Variants in ITPR1 observed in about 807,000 individuals in gnomAD.
ITPR1 encodes inositol 1,4,5-trisphosphate receptor type 1.
Under a neutral mutation model 318.4 loss-of-function variants are expected in ITPR1, and 96 were observed. The ratio of observed to expected loss-of-function variants is 0.30; its 90% CI spans 0.26 to 0.36. The LOEUF (loss-of-function observed/expected upper bound fraction) is 0.36, where lower values mean the gene tolerates loss of function less well. Among genes scored for constraint, ITPR1 ranks in the 10% least tolerant of loss-of-function variants. The probability of loss-of-function intolerance (pLI) is 1.00; values close to 1 mark genes in which losing one functional copy is unlikely to be tolerated. For missense variants in ITPR1, 2,440 were observed against 3,460.2 expected (o/e 0.71, Z 7.40); for synonymous variants, 1,312 against 1,289.9 (o/e 1.02, Z -0.37).
intron 4 of ITPR1, among the ~76,000 whole-genome samples, chr3:4,558,176 G>A (rs1434986878): frequency 6.6e-6 from 1 of 152,120 alleles, no homozygotes; most frequent in African/African-American, 2.4e-5. Flanking sequence ...GATGTAGGGG[G>A]AGAATCTTAA....
chr3:4,733,275 G>C, intron 43 of ITPR1, 55 bp downstream of exon 43: 2 of 1,589,902 alleles, frequency 1.3e-6, no homozygotes, highest in Non-Finnish European at 1.7e-6. Context: ...TTCTGTGATA[G>C]CTGCATGTTT....
chr3:4,508,705 G>A (rs1208423656), intron 2 of ITPR1, among the ~76,000 whole-genome samples: 3 of 152,118 alleles, frequency 2.0e-5, no homozygotes, highest in Non-Finnish European at 4.4e-5. Flanking sequence ...CAGAGTGGAA[G>A]AGGTTCTAAA....
In ITPR1 at chr3:4,663,160, A is replaced by G. The variant is rs577855777; in HGVS notation, c.1508A>G (p.Asn503Ser). The change falls in exon 16 of 62, where the codon AAC (asparagine) becomes AGC (serine). Residue 503 changes from asparagine (N) to serine (S), a missense_variant. Coordinates refer to ENST00000649015, the MANE Select transcript of ITPR1 (RefSeq NM_001378452.1). ...CTCGAAGTTGTCTTCTCCAAGCCCAACAGAGAACGGCAGAAACTGATGAGA... is the reference window on the plus strand; with the variant it reads ...CTCGAAGTTGTCTTCTCCAAGCCCAGCAGAGAACGGCAGAAACTGATGAGA... ...DVLEVVFSKP[N>S]RERQKLMREQ... 7.4e-6 allele frequency: 12 copies of G among 1,613,750 alleles called. No individual in the cohort carries two copies. The highest frequency in any genetic ancestry group is 4.5e-5 in the East Asian group (2 of 44,864).
At chr3:4,763,394 T>TA (rs1002652480) in intron 44 of ITPR1, among the ~76,000 whole-genome samples, 28 of 148,496 alleles carry the variant, frequency 1.9e-4, no homozygotes, top group Admixed American at 2.7e-4. Flanking sequence ...TTGAACAGAA[T>TA]AAAAAAAAAA....
In ITPR1 at chr3:4,711,696, G is replaced by T. The variant is rs908426425; in HGVS notation, c.4992-61G>T. The T allele has an allele frequency of 3.4e-6, 3 of 876,116 alleles. No individual in the cohort carries two copies. In the African/African-American group the frequency reaches 5.1e-5, roughly 15 times the overall value. 54.3% of individuals were successfully genotyped at this position (876,116 alleles called of 1,614,324 possible). On this transcript the variant is annotated intron_variant, in intron 38 of 61. Transcript: ENST00000649015. ...GGACTAGTTAAAATAAATTGCTTGTGAAGTCTTTTTAATTTAAAATTAGCT... is the reference window on the plus strand; with the variant it reads ...GGACTAGTTAAAATAAATTGCTTGTTAAGTCTTTTTAATTTAAAATTAGCT...
At position 4,739,537 on chromosome 3, in the gene ITPR1, G is replaced by A. The variant is rs117434043; in HGVS notation, c.5544+4183G>A. 8.3e-3 allele frequency among the ~76,000 whole-genome samples: 1,267 copies of A among 152,242 alleles called. 46 individuals are homozygous for A. Among genetic ancestry groups the A allele is most frequent in the Admixed American group, 0.062 (949 of 15,302 alleles). ...TGCAGATTTAAAATATTTAGGGAAC[G>A]CTGGGCACAGTGGCTCAAGGAAACA... On this transcript the variant is annotated intron_variant, in intron 44 of 61. Transcript: ENST00000649015.
chr3:4,827,795 G>C (rs927341834), intron 60 of ITPR1, among the ~76,000 whole-genome samples: 5 of 152,186 alleles, frequency 3.3e-5, no homozygotes, highest in African/African-American at 7.2e-5. Flanking sequence ...GAAAAGGGGA[G>C]GGTTTGGAAA....
intron 2 of ITPR1, among the ~76,000 whole-genome samples, chr3:4,509,342 G>A (rs537291643): frequency 7.9e-5 from 12 of 152,264 alleles, no homozygotes; most frequent in South Asian, 6.2e-4. Context: ...ATGGTCAATG[G>A]GGATAAAAGT....
chr3:4,582,412 T>C (rs1449920765), intron 4 of ITPR1, among the ~76,000 whole-genome samples: 1 of 152,118 alleles, frequency 6.6e-6, no homozygotes, highest in Non-Finnish European at 1.5e-5. Context: ...TAGCATGCTG[T>C]GAAGGGACGG....
At chr3:4,711,210 CAAAAAAAAAAA>C (rs1169754547) in intron 38 of ITPR1, among the ~76,000 whole-genome samples, 7 of 57,914 alleles carry the variant, frequency 1.2e-4, no homozygotes, top group Admixed American at 2.2e-4. Flanking sequence ...GACCTTGTCT[CAAAAAAAAAAA>C]AAAAAAAAAA....
At chr3:4,625,131 C>T (rs776614107) in intron 4 of ITPR1, among the ~76,000 whole-genome samples, 5 of 151,958 alleles carry the variant, frequency 3.3e-5, no homozygotes, top group Non-Finnish European at 5.9e-5. Flanking sequence ...CCATATTTAC[C>T]TTATAACTGC....
Position 4,842,830 on chromosome 3 carries a change from T to TG in ITPR1, c.8191-3307dup, listed in dbSNP as rs2051451287. 2.0e-5 allele frequency among the ~76,000 whole-genome samples: 3 copies of TG among 152,222 alleles called. No individual in the cohort carries two copies. In the South Asian group the frequency reaches 6.2e-4, roughly 32 times the overall value. ...TGACAAAAATGCTAAGGATAGACTT[T>TG]GGTCATTATATTTGTTTTGATGTAG... On this transcript the variant is annotated intron_variant, in intron 61 of 61. Coordinates refer to ENST00000649015, the MANE Select transcript of ITPR1 (RefSeq NM_001378452.1).
Position 4,779,822 on chromosome 3 carries a change from A to G in ITPR1, c.6387+177A>G, listed in dbSNP as rs2046707433. 1.3e-5 allele frequency among the ~76,000 whole-genome samples: 2 copies of G among 150,740 alleles called. No individual in the cohort carries two copies. The highest frequency in any genetic ancestry group is 4.9e-5 in the African/African-American group (2 of 41,088). On this transcript the variant is annotated intron_variant, in intron 49 of 61. Transcript: ENST00000649015. The surrounding 1 kb of genome is among the most constrained non-coding windows in gnomAD (Gnocchi z 4.0). ...AGAAGTGAAATATTTTGGTTGGTGC[A>G]AAAGTAATCGCGGTTTTTGCTATTA...
intron 52 of ITPR1, 36 bp downstream of exon 52, chr3:4,788,175 C>G (rs999532510): frequency 6.5e-7 from 1 of 1,531,330 alleles, no homozygotes; most frequent in Admixed American, 1.9e-5. Flanking sequence ...CACAGAGAGA[C>G]ACAGTTCTGG....
chr3:4,521,321 G>A (rs918018022), intron 4 of ITPR1, among the ~76,000 whole-genome samples: 1 of 152,166 alleles, frequency 6.6e-6, no homozygotes. Flanking sequence ...TATTGAATAT[G>A]TGTTGACAAG....
intron 4 of ITPR1, 99 bp downstream of exon 4, chr3:4,521,193 T>G (rs902779989): frequency 1.5e-4 from 107 of 725,776 alleles, no homozygotes; most frequent in Non-Finnish European, 2.3e-4. Flanking sequence ...AAAATAGGCT[T>G]ATTTATTATG....
chr3:4,555,738 C>G (rs748344764), intron 4 of ITPR1, among the ~76,000 whole-genome samples: 4 of 152,198 alleles, frequency 2.6e-5, no homozygotes, highest in African/African-American at 4.8e-5. Context: ...TTTTTACCAT[C>G]ATGAGCAATA....
chr3:4,536,568 G>T (rs1048159831), intron 4 of ITPR1, among the ~76,000 whole-genome samples: 4 of 152,232 alleles, frequency 2.6e-5, no homozygotes, highest in African/African-American at 9.7e-5. Flanking sequence ...TTTATGAAGA[G>T]AGATGAGTGA....
Position 4,497,441 on chromosome 3 carries a change from C to T in ITPR1, c.-17+2935C>T, listed in dbSNP as rs78537016. 1.1e-4 allele frequency among the ~76,000 whole-genome samples: 17 copies of T among 152,276 alleles called. No individual in the cohort carries two copies. In the East Asian group the frequency reaches 2.7e-3, roughly 24 times the overall value. ...GGATATAGCAATGAACAAACCATCC[C>T]GTTCCCAAGAGGCTTACATCTCAGT... On this transcript the variant is annotated intron_variant, in intron 2 of 61. Coordinates refer to ENST00000649015, the MANE Select transcript of ITPR1 (RefSeq NM_001378452.1).
Sources: allele counts gnomAD v4.1 joint callset (sites outside exome capture counted in the v4.1 genomes callset), GRCh38; gene constraint gnomAD v4.1.1; non-coding constraint Gnocchi (gnomAD v3.1); transcripts MANE v1.5; gene names NCBI Gene and HGNC (gene_info 2026-07-23, HGNC 2026-07-21).